Variants in PRKCZ observed in about 807,000 individuals in gnomAD.
PRKCZ encodes protein kinase C zeta type.
PRKCZ carries 33 observed loss-of-function variants against 79.5 expected under a neutral mutation model. That is an observed-to-expected ratio of 0.41 (90% CI 0.31 to 0.55). PRKCZ has a LOEUF of 0.55. Among genes scored for constraint, PRKCZ ranks in the 20% least tolerant of loss-of-function variants. PRKCZ has a pLI of 0.19. For synonymous variants in PRKCZ, 342 were observed against 320.9 expected (o/e 1.07, Z -0.70); for missense variants, 578 against 813.5 (o/e 0.71, Z 3.52).
rs940501977 is a variant in PRKCZ at position 2,149,628 on chromosome 1, C to T, written c.687+704C>T. 3.3e-5 allele frequency among the ~76,000 whole-genome samples: 5 copies of T among 152,270 alleles called. No individual in the cohort carries two copies. Among genetic ancestry groups the T allele is most frequent in the Admixed American group, 6.5e-5 (1 of 15,292 alleles). ...CCAATCCCAGCATTTTGGGAGGCTGCGCACATCGCTTGAGTCCAGGAGCTC... is the reference window on the plus strand; with the variant it reads ...CCAATCCCAGCATTTTGGGAGGCTGTGCACATCGCTTGAGTCCAGGAGCTC... On this transcript the variant is annotated intron_variant, in intron 8 of 17. Coordinates refer to ENST00000378567, the MANE Select transcript of PRKCZ (RefSeq NM_002744.6). The surrounding 1 kb of genome is among the most constrained non-coding windows in gnomAD (Gnocchi z 4.1).
intron 10 of PRKCZ, among the ~76,000 whole-genome samples, chr1:2,160,854 C>T (rs905376445): frequency 3.3e-5 from 5 of 152,028 alleles, no homozygotes; most frequent in Admixed American, 1.3e-4. Context: ...CGCCCCGCCC[C>T]GCCGGGGGTG....
At chr1:2,102,502 T>G (rs1667625771) in intron 4 of PRKCZ, among the ~76,000 whole-genome samples, 1 of 151,596 alleles carries the variant, frequency 6.6e-6, no homozygotes, top group African/African-American at 2.4e-5. Flanking sequence ...CCCGCTAATT[T>G]TTTGTATTTT....
chr1:2,144,540 G>A, intron 6 of PRKCZ, 199 bp downstream of exon 6: 1 of 1,411,150 alleles, frequency 7.1e-7, no homozygotes. Flanking sequence ...CAAGCCCCCG[G>A]CACACTCTGC....
chr1:2,112,999 C>T (rs1425401887), intron 4 of PRKCZ, among the ~76,000 whole-genome samples: 1 of 152,200 alleles, frequency 6.6e-6, no homozygotes, highest in Non-Finnish European at 1.5e-5. Context: ...GCCCCATTTT[C>T]TTTACATTTG....
At chr1:2,113,073 G>A (rs905926704) in intron 4 of PRKCZ, among the ~76,000 whole-genome samples, 1 of 152,226 alleles carries the variant, frequency 6.6e-6, no homozygotes, top group Non-Finnish European at 1.5e-5. Context: ...ACTGCTGGCC[G>A]AGGCTGGCCG....
At chr1:2,145,904 C>A in intron 6 of PRKCZ, 123 bp from the exon 7 acceptor site, 1 of 780,892 alleles carries the variant, frequency 1.3e-6, no homozygotes. Flanking sequence ...TGATGACAGA[C>A]TGTGACCCTG....
At chr1:2,161,619 C>A (rs1682327542) in intron 10 of PRKCZ, among the ~76,000 whole-genome samples, 1 of 152,180 alleles carries the variant, frequency 6.6e-6, no homozygotes, top group African/African-American at 2.4e-5. Context: ...AATCGGGAGG[C>A]ACTGGCCGCT....
In PRKCZ at chr1:2,165,770, C is replaced by T. The variant is rs954351098; in HGVS notation, c.975-3748C>T. 1.3e-5 allele frequency among the ~76,000 whole-genome samples: 2 copies of T among 152,168 alleles called. No homozygotes were observed. Among genetic ancestry groups the T allele is most frequent in the African/African-American group, 4.8e-5 (2 of 41,436 alleles). On this transcript the variant is annotated intron_variant, in intron 10 of 17. Coordinates refer to ENST00000378567, the MANE Select transcript of PRKCZ (RefSeq NM_002744.6). The surrounding 1 kb of genome is among the most constrained non-coding windows in gnomAD (Gnocchi z 4.1). ...CTCAGGGCAGCGTCTCCTGTGCCTCCAGGAGAGGGCTGTGGTTCCTCCCTC... is the reference window on the plus strand; with the variant it reads ...CTCAGGGCAGCGTCTCCTGTGCCTCTAGGAGAGGGCTGTGGTTCCTCCCTC...
In PRKCZ at chr1:2,096,174, C is replaced by T. The variant is rs570432654; in HGVS notation, c.334+36583C>T. On this transcript the variant is annotated intron_variant, in intron 4 of 17. Coordinates refer to ENST00000378567, the MANE Select transcript of PRKCZ (RefSeq NM_002744.6). Reference sequence around the variant, plus strand: ...ACTGGCCCGGGGCTGGTCCTCCCTGCGTCTGGCCTCTGGGTGGGTGGTGGT... The same window carrying T: ...ACTGGCCCGGGGCTGGTCCTCCCTGTGTCTGGCCTCTGGGTGGGTGGTGGT... Among the ~76,000 whole-genome samples the T allele has an allele frequency of 1.2e-4, 18 of 151,996 alleles. 1 individual carries two copies. In the South Asian group the frequency reaches 3.3e-3, roughly 28 times the overall value.
chr1:2,174,957 T>C lies in PRKCZ; in HGVS notation c.1485+124T>C. ...CTGTGTATCGGGTGTGTGGGTTGATTTTCCGCTTCAGTATTTGAGCTCTGT... is the reference window on the plus strand; with the variant it reads ...CTGTGTATCGGGTGTGTGGGTTGATCTTCCGCTTCAGTATTTGAGCTCTGT... On this transcript the variant is annotated intron_variant, in intron 15 of 17. Coordinates refer to ENST00000378567, the MANE Select transcript of PRKCZ (RefSeq NM_002744.6). This position sits in a 1 kb window ranked among gnomAD's most constrained non-coding sequence, Gnocchi z 6.2. The C allele has an allele frequency of 9.7e-7, 1 of 1,033,956 alleles. No individual in the cohort carries two copies. The highest frequency in any genetic ancestry group is 1.5e-6 in the Non-Finnish European group (1 of 688,230). The allele number at this position is 1,033,956 out of a possible 1,614,324, so 64.0% of individuals were successfully genotyped here. A position where few individuals can be genotyped will look rare whatever the true frequency, so the allele number is the denominator to read the frequency against.
chr1:2,163,593 C>T (rs566033132), intron 10 of PRKCZ, among the ~76,000 whole-genome samples: 88 of 152,116 alleles, frequency 5.8e-4, no homozygotes, highest in African/African-American at 2.0e-3. Context: ...GTTTTGCTAT[C>T]AAGAAAAAAC....
At chr1:2,050,967 A>T (rs1189484357) in intron 1 of PRKCZ, 1 of 353,588 alleles carries the variant, frequency 2.8e-6, no homozygotes, top group Non-Finnish European at 5.1e-6. Flanking sequence ...ATTGTGGTAG[A>T]CGTTTTCGCT....
intron 1 of PRKCZ, chr1:2,051,042 G>C: frequency 8.6e-6 from 2 of 232,246 alleles, no homozygotes. Context: ...ATCAAGTTGT[G>C]AAAACTCCTG....
rs201842549 is a variant in PRKCZ, at chr1:2,174,864, G to C, written c.1485+31G>C. 2.5e-6 allele frequency: 4 copies of C among 1,603,476 alleles called. No homozygotes were observed. Among genetic ancestry groups the C allele is most frequent in the African/African-American group, 2.7e-5 (2 of 74,800 alleles). On this transcript the variant is annotated intron_variant, in intron 15 of 17. Transcript: ENST00000378567. The surrounding 1 kb of genome is among the most constrained non-coding windows in gnomAD (Gnocchi z 6.2). The stretch of plus-strand genomic sequence containing the variant: ...TTTCTGGCCATGCTGACAAAATCTC[G>C]TTTGTGGCCTCGGTGTTGGTGGGCA...
rs536304077 is a variant in PRKCZ at position 2,105,987 on chromosome 1, G to A, written c.335-29275G>A. Among the ~76,000 whole-genome samples, 17 of 152,340 alleles carry A rather than the reference G, an allele frequency of 1.1e-4. 1 individual carries two copies. In the East Asian group the frequency reaches 2.1e-3, roughly 19 times the overall value. On this transcript the variant is annotated intron_variant, in intron 4 of 17. Coordinates refer to ENST00000378567, the MANE Select transcript of PRKCZ (RefSeq NM_002744.6). ...CCCCTGAGGATGAGGGGGCTCCTGCGTTTGTGCCCTGTGTGGGAGGTGCCA... is the reference window on the plus strand; with the variant it reads ...CCCCTGAGGATGAGGGGGCTCCTGCATTTGTGCCCTGTGTGGGAGGTGCCA...
chr1:2,139,295 A>G (rs1676841182), intron 5 of PRKCZ, among the ~76,000 whole-genome samples: 1 of 152,204 alleles, frequency 6.6e-6, no homozygotes, highest in Admixed American at 6.5e-5. Flanking sequence ...AGATGTTAAA[A>G]GTAATTAAAG....
At chr1:2,148,992 G>C in intron 8 of PRKCZ, 68 bp downstream of exon 8, 1 of 1,520,582 alleles carries the variant, frequency 6.6e-7, no homozygotes, top group Non-Finnish European at 9.1e-7. Flanking sequence ...CTGTCTCTGG[G>C]GTAGTCACGG....
rs529139279 is a variant in PRKCZ, at chr1:2,182,380, G to A, written c.1576-2203G>A. 71 of 157,776 alleles carry A rather than the reference G, an allele frequency of 4.5e-4. 1 individual carries two copies. The highest frequency in any genetic ancestry group is 3.6e-3 in the South Asian group (19 of 5,240). 9.8% of individuals were successfully genotyped at this position (157,776 alleles called of 1,614,324 possible). A position where few individuals can be genotyped will look rare whatever the true frequency, so the allele number is the denominator to read the frequency against. ...GAAACCTGCCAATTCCAGCTTGAAC[G>A]ACTGGAGGGTCCTGAGGATGGGGGT... On this transcript the variant is annotated intron_variant, in intron 16 of 17. Coordinates refer to ENST00000378567, the MANE Select transcript of PRKCZ (RefSeq NM_002744.6).
chr1:2,100,691 C>T (rs1667291395), intron 4 of PRKCZ, among the ~76,000 whole-genome samples: 1 of 152,160 alleles, frequency 6.6e-6, no homozygotes, highest in Non-Finnish European at 1.5e-5. Context: ...CAGTGAACAG[C>T]AGTGGTCACA....
Sources: gnomAD v4.1 joint callset for allele counts (sites outside exome capture counted in the v4.1 genomes callset) on GRCh38, gnomAD v4.1.1 for gene constraint, Gnocchi (gnomAD v3.1) non-coding constraint, MANE v1.5 for transcripts, NCBI Gene and HGNC (gene_info 2026-07-23, HGNC 2026-07-21) for gene names.